Variants in CARMIL1 observed in about 807,000 individuals in gnomAD.
The protein encoded by CARMIL1 is F-actin-uncapping protein LRRC16A.
Under a neutral mutation model 177.1 loss-of-function variants are expected in CARMIL1, and 90 were observed. That is an observed-to-expected ratio of 0.51 (90% CI 0.43 to 0.61). The LOEUF (loss-of-function observed/expected upper bound fraction) is 0.61, where lower values mean the gene tolerates loss of function less well. Among genes scored for constraint, CARMIL1 ranks in the 20% least tolerant of loss-of-function variants. CARMIL1 has a pLI of 0.00. For missense variants in CARMIL1, 1,380 were observed against 1,667.0 expected (o/e 0.83, Z 3.00); for synonymous variants, 577 against 606.2 (o/e 0.95, Z 0.71).
At chr6:25,383,282 T>C (rs996867649) in intron 2 of CARMIL1, among the ~76,000 whole-genome samples, 3 of 152,192 alleles carry the variant, frequency 2.0e-5, no homozygotes, top group Non-Finnish European at 4.4e-5. Context: ...AATGTCTTTA[T>C]AAGGTTTCAA....
At chr6:25,499,596 A>G (rs1804105127) in intron 16 of CARMIL1, among the ~76,000 whole-genome samples, 3 of 152,208 alleles carry the variant, frequency 2.0e-5, no homozygotes, top group Admixed American at 2.0e-4. Context: ...GTAGTTGGAC[A>G]GGCAGGATCC....
At chr6:25,618,849 CT>C (rs1759503205) in intron 36 of CARMIL1, among the ~76,000 whole-genome samples, 1 of 152,158 alleles carries the variant, frequency 6.6e-6, no homozygotes, top group Admixed American at 6.5e-5. Flanking sequence ...GTATTTAATG[CT>C]TTTTCACTAG....
intron 2 of CARMIL1, among the ~76,000 whole-genome samples, chr6:25,311,439 A>G (rs1783811386): frequency 6.6e-6 from 1 of 152,166 alleles, no homozygotes; most frequent in African/African-American, 2.4e-5. Flanking sequence ...AAGGATCTCA[A>G]AGAGGATATC....
intron 35 of CARMIL1, 149 bp from the exon 36 acceptor site, chr6:25,609,901 C>CA: frequency 1.2e-6 from 1 of 839,658 alleles, no homozygotes; most frequent in Non-Finnish European, 1.8e-6. Context: ...CTTCACTGAG[C>CA]AAAAACACAA....
At chr6:25,614,700 T>A (rs1483293912) in intron 36 of CARMIL1, among the ~76,000 whole-genome samples, 1 of 152,216 alleles carries the variant, frequency 6.6e-6, no homozygotes, top group Non-Finnish European at 1.5e-5. Flanking sequence ...TAATGCAATG[T>A]TCCTTCTTCA....
chr6:25,619,586 G>T lies in CARMIL1; in HGVS notation c.*3G>T, dbSNP rs1759571762. On this transcript the variant is annotated 3_prime_UTR_variant, in exon 37 of 37. Coordinates refer to ENST00000329474, the MANE Select transcript of CARMIL1 (RefSeq NM_017640.6). ...AAAAAGAGTTTATTTTTGTGTAAAG[G>T]TCACCCACGCAGAAGTCTTCCTGTG... 6.2e-7 allele frequency: 1 copy of T among 1,613,058 alleles called. No individual in the cohort carries two copies. The highest frequency in any genetic ancestry group is 1.3e-5 in the African/African-American group (1 of 74,934).
At chr6:25,290,212 C>T (rs1385503468) in intron 2 of CARMIL1, among the ~76,000 whole-genome samples, 5 of 152,118 alleles carry the variant, frequency 3.3e-5, no homozygotes, top group Non-Finnish European at 7.4e-5. Flanking sequence ...CCTCCCACCT[C>T]AGCCTCCCAA....
chr6:25,429,531 T>A (rs908442870), intron 4 of CARMIL1, among the ~76,000 whole-genome samples: 1 of 152,198 alleles, frequency 6.6e-6, no homozygotes, highest in Admixed American at 6.5e-5. Flanking sequence ...AGAGCAAATC[T>A]TCTTGTCTTT....
At chr6:25,564,660 G>C (rs1021359934) in intron 29 of CARMIL1, among the ~76,000 whole-genome samples, 7 of 152,098 alleles carry the variant, frequency 4.6e-5, no homozygotes, top group African/African-American at 1.4e-4. Context: ...TAACTGAGAG[G>C]CTCAGAACTG....
chr6:25,603,558 AAC>A (rs1238893677), intron 33 of CARMIL1, among the ~76,000 whole-genome samples: 2 of 152,270 alleles, frequency 1.3e-5, no homozygotes, highest in Non-Finnish European at 2.9e-5. Context: ...TGTATCATCA[AAC>A]ACAGTTTAAA....
intron 1 of CARMIL1, 45 bp from the exon 2 acceptor site, chr6:25,284,767 A>G (rs576028265): frequency 2.8e-6 from 3 of 1,082,636 alleles, no homozygotes; most frequent in South Asian, 1.4e-5. Context: ...ACTCCTCCTC[A>G]GTGCTTTTTT....
intron 2 of CARMIL1, among the ~76,000 whole-genome samples, chr6:25,329,970 T>C (rs1323769483): frequency 6.6e-6 from 1 of 152,228 alleles, no homozygotes; most frequent in Non-Finnish European, 1.5e-5. Flanking sequence ...TTGATCCTAT[T>C]CAGCGTCAGA....
At chr6:25,449,820 G>C (rs1049366732) in intron 5 of CARMIL1, 78 bp from the exon 6 acceptor site, 1 of 784,272 alleles carries the variant, frequency 1.3e-6, no homozygotes, top group Non-Finnish European at 2.0e-6. Context: ...TGAAGAAAAA[G>C]GAATGTGACA....
intron 2 of CARMIL1, among the ~76,000 whole-genome samples, chr6:25,418,067 A>G (rs10946778): frequency 0.1 from 15,838 of 152,262 alleles, 922 homozygotes; most frequent in East Asian, 0.2. Flanking sequence ...GTGGTGGTTA[A>G]GGACACAGGC....
At chr6:25,334,866 C>G (rs7762821) in intron 2 of CARMIL1, among the ~76,000 whole-genome samples, 30,929 of 152,116 alleles carry the variant, frequency 0.2, 3,409 homozygotes, top group Non-Finnish European at 0.23. Context: ...TACATCTGAT[C>G]AAAGTTGGGA....
At chr6:25,551,438 T>C (rs1237548643) in intron 27 of CARMIL1, among the ~76,000 whole-genome samples, 1 of 152,200 alleles carries the variant, frequency 6.6e-6, no homozygotes, top group Admixed American at 6.5e-5. Context: ...GTTTGCTTTT[T>C]ACCGTCATAC....
chr6:25,349,275 G>C (rs143268329), intron 2 of CARMIL1, among the ~76,000 whole-genome samples: 171 of 152,344 alleles, frequency 1.1e-3, no homozygotes, highest in African/African-American at 4.0e-3. Context: ...TGCAATGTAG[G>C]AGGAAACAGA....
intron 2 of CARMIL1, among the ~76,000 whole-genome samples, chr6:25,416,297 A>G (rs957389331): frequency 1.3e-5 from 2 of 152,150 alleles, no homozygotes; most frequent in Non-Finnish European, 2.9e-5. Context: ...TTTTTTGGAA[A>G]GGTGAGCTTT....
intron 2 of CARMIL1, among the ~76,000 whole-genome samples, chr6:25,408,947 C>A (rs942661254): frequency 7.9e-5 from 12 of 152,108 alleles, no homozygotes; most frequent in South Asian, 6.2e-4. Context: ...TTAATCCCCA[C>A]AACTGTCCAA....
Sources: gnomAD v4.1 joint callset for allele counts (sites outside exome capture counted in the v4.1 genomes callset) on GRCh38, gnomAD v4.1.1 for gene constraint, MANE v1.5 for transcripts, NCBI Gene and HGNC (gene_info 2026-07-23, HGNC 2026-07-21) for gene names.